The following PTPRN2 variants were observed in gnomAD, a reference collection of about 807,000 sequenced individuals.
PTPRN2 encodes receptor-type tyrosine-protein phosphatase N2.
A neutral mutation model predicts 118.8 loss-of-function variants in PTPRN2; 74 were observed. That is an observed-to-expected ratio of 0.62 (90% CI 0.52 to 0.76). The LOEUF (loss-of-function observed/expected upper bound fraction) is 0.76, where lower values mean the gene tolerates loss of function less well. PTPRN2 is among the 30% of genes least tolerant of loss of function. The pLI is 0.00. For missense variants in PTPRN2, 1,481 were observed against 1,394.4 expected, an observed-to-expected ratio of 1.06 and a Z score of -0.99; for synonymous variants, 641 against 608.0, an observed-to-expected ratio of 1.05 and a Z score of -0.80.
chr7:158,223,558 A>G (rs1828521659), intron 3 of PTPRN2, among the ~76,000 whole-genome samples: 1 of 152,210 alleles, frequency 6.6e-6, no homozygotes, highest in East Asian at 1.9e-4. Context: ...TAAAGAAGAA[A>G]AAAATCACAT....
intron 6 of PTPRN2, among the ~76,000 whole-genome samples, chr7:158,166,268 G>A (rs1369676154): frequency 8.4e-6 from 1 of 118,886 alleles, no homozygotes; most frequent in African/African-American, 3.3e-5. Context: ...TGGCTGCCGC[G>A]TTCCCTGTCC....
At chr7:157,670,794 C>T (rs1006798995) in intron 13 of PTPRN2, among the ~76,000 whole-genome samples, 2 of 152,256 alleles carry the variant, frequency 1.3e-5, no homozygotes, top group Non-Finnish European at 1.5e-5. Context: ...GCCCCACAGG[C>T]TGAACCTTGC....
At chr7:158,478,943 G>A (rs895383701) in intron 2 of PTPRN2, among the ~76,000 whole-genome samples, 2 of 152,094 alleles carry the variant, frequency 1.3e-5, no homozygotes, top group South Asian at 2.1e-4. Context: ...ATGAAAACAC[G>A]TGTCACCGCG....
chr7:157,669,515 C>T (rs897317832), intron 13 of PTPRN2: 2 of 486,520 alleles, frequency 4.1e-6, no homozygotes, highest in South Asian at 3.0e-5. Context: ...CCGCTCCTGA[C>T]ACACGACGAC....
chr7:158,548,949 G>GCAAGACCAC (rs1826464927), intron 1 of PTPRN2, among the ~76,000 whole-genome samples: 2 of 152,306 alleles, frequency 1.3e-5, no homozygotes, highest in East Asian at 3.9e-4. Context: ...CTCCTCCTTG[G>GCAAGACCAC]CAAGACCACC....
rs56310309 is a variant in PTPRN2 at position 158,197,082 on chromosome 7, C to A, written c.381-4587G>T. On this transcript the variant is annotated intron_variant, in intron 4 of 22. Coordinates refer to ENST00000389418, the MANE Select transcript of PTPRN2 (RefSeq NM_002847.5). Reference sequence around the variant, plus strand: ...TCTCCTTTCACAGAATTTGATGCTACATTCTGAACAAAATCGTATTCAGAA... The same window carrying A: ...TCTCCTTTCACAGAATTTGATGCTAAATTCTGAACAAAATCGTATTCAGAA... 2.9e-3 allele frequency among the ~76,000 whole-genome samples: 437 copies of A among 152,306 alleles called. 2 individuals carry two copies. The highest frequency in any genetic ancestry group is 4.7e-3 in the Non-Finnish European group (322 of 68,028).
intron 3 of PTPRN2, among the ~76,000 whole-genome samples, chr7:158,247,407 CG>C (rs1407006179): frequency 8.2e-6 from 1 of 122,032 alleles, no homozygotes; most frequent in Non-Finnish European, 1.7e-5. Flanking sequence ...GATACAGGGG[CG>C]CAAAGGGAAG....
At chr7:158,554,322 T>G (rs545941713) in intron 1 of PTPRN2, among the ~76,000 whole-genome samples, 5 of 152,332 alleles carry the variant, frequency 3.3e-5, no homozygotes, top group African/African-American at 1.2e-4. Context: ...TGTGCAACTT[T>G]GTTTTCTGTC....
intron 11 of PTPRN2, among the ~76,000 whole-genome samples, chr7:157,904,032 G>A (rs752177996): frequency 5.8e-4 from 89 of 152,316 alleles, no homozygotes; most frequent in Admixed American, 1.3e-3. Flanking sequence ...AGAAAGTGCT[G>A]TATCTGCTGC....
In PTPRN2 at chr7:158,319,693, ACAGCCTCCCT is replaced by A. The variant is rs1802748008; in HGVS notation, c.164-2771_164-2762del. On this transcript the variant is annotated intron_variant, in intron 2 of 22. Transcript: ENST00000389418. ...CCCTCACACACACAGCCTCTCTCAC[ACAGCCTCCCT>A]CATACACACAGCCTCCCTCACACAC... Among the ~76,000 whole-genome samples the A allele has an allele frequency of 4.8e-4, 4 of 8,366 alleles. 1 individual carries two copies. Among genetic ancestry groups the A allele is most frequent in the Non-Finnish European group, 1.1e-3 (4 of 3,614 alleles). 5.5% of individuals were successfully genotyped at this position (8,366 alleles called of 152,430 possible).
intron 6 of PTPRN2, among the ~76,000 whole-genome samples, chr7:158,158,393 C>T (rs964987515): frequency 2.6e-5 from 4 of 152,344 alleles, no homozygotes; most frequent in African/African-American, 9.6e-5. Flanking sequence ...AAGTGGGCAC[C>T]CCACCAGCCA....
At chr7:157,878,511 G>A (rs888983422) in intron 12 of PTPRN2, among the ~76,000 whole-genome samples, 4 of 148,208 alleles carry the variant, frequency 2.7e-5, no homozygotes, top group Admixed American at 6.7e-5. Context: ...CTTACTCACC[G>A]AGGAGCTCTC....
intron 2 of PTPRN2, among the ~76,000 whole-genome samples, chr7:158,395,993 C>T (rs953888905): frequency 6.6e-6 from 1 of 152,202 alleles, no homozygotes; most frequent in Admixed American, 6.5e-5. Flanking sequence ...AGTCCCGCCG[C>T]GACCCATGGG....
intron 3 of PTPRN2, among the ~76,000 whole-genome samples, chr7:158,256,448 C>A (rs900270314): frequency 1.3e-5 from 2 of 152,136 alleles, no homozygotes; most frequent in Non-Finnish European, 2.9e-5. Context: ...CTGGTCCGCG[C>A]CATGTGGAAT....
intron 21 of PTPRN2, among the ~76,000 whole-genome samples, chr7:157,559,848 C>G (rs1240206094): frequency 6.6e-6 from 1 of 152,146 alleles, no homozygotes; most frequent in African/African-American, 2.4e-5. Flanking sequence ...CCGTCTCTCT[C>G]CTGTGTTCTC....
intron 3 of PTPRN2, among the ~76,000 whole-genome samples, chr7:158,224,984 T>C (rs145212749): frequency 2.0e-5 from 3 of 152,068 alleles, no homozygotes; most frequent in Admixed American, 1.3e-4. Flanking sequence ...CATCATCTCA[T>C]CAGGGAAATG....
At chr7:157,549,574 A>G (rs890967214) in intron 21 of PTPRN2, among the ~76,000 whole-genome samples, 3 of 152,154 alleles carry the variant, frequency 2.0e-5, no homozygotes, top group African/African-American at 7.2e-5. Context: ...GGTTCACCAA[A>G]AGCTCCATCC....
intron 12 of PTPRN2, among the ~76,000 whole-genome samples, chr7:157,709,660 G>A (rs1056936498): frequency 2.0e-5 from 3 of 152,236 alleles, no homozygotes; most frequent in African/African-American, 7.2e-5. Flanking sequence ...TACATGGGAA[G>A]GAGCTTAGGG....
chr7:157,615,788 G>T lies in PTPRN2; in HGVS notation c.2344+5574C>A. The T allele has an allele frequency of 2.7e-6, 1 of 366,394 alleles. No homozygotes were observed. The highest frequency in any genetic ancestry group is 2.0e-5 in the South Asian group (1 of 49,408). 22.7% of individuals were successfully genotyped at this position (366,394 alleles called of 1,614,324 possible). ...GTTACAGGAGATGAACACAAGGCTC[G>T]ATTCTCCTGTTAAACTTGACTGTCA... On this transcript the variant is annotated intron_variant, in intron 15 of 22. Transcript: ENST00000389418. The surrounding 1 kb of genome is among the most constrained non-coding windows in gnomAD (Gnocchi z 4.3).
Sources: allele counts gnomAD v4.1 joint callset (sites outside exome capture counted in the v4.1 genomes callset), GRCh38; gene constraint gnomAD v4.1.1; non-coding constraint Gnocchi (gnomAD v3.1); transcripts MANE v1.5; gene names NCBI Gene and HGNC (gene_info 2026-07-23, HGNC 2026-07-21).